CDKN2B-AS1: variants seen among roughly 807,000 people sequenced by gnomAD.
The protein encoded by CDKN2B-AS1 is CDKN2B antisense RNA 1 (non-protein coding).
intron 1 of CDKN2B-AS1, among the ~76,000 whole-genome samples, chr9:22,029,079 C>T (rs955537950): frequency 3.3e-5 from 5 of 151,306 alleles, no homozygotes; most frequent in Non-Finnish European, 7.4e-5. Context: ...ATCCAAGGGA[C>T]GGTGGTGAAA....
At chr9:22,040,070 A>T (rs537118831) in intron 1 of CDKN2B-AS1, among the ~76,000 whole-genome samples, 1 of 152,034 alleles carries the variant, frequency 6.6e-6, no homozygotes, top group Non-Finnish European at 1.5e-5. Context: ...TGTAGCCTTG[A>T]GGGAGAGGAT....
chr9:22,104,266 G>T (rs559369441), intron 4 of CDKN2B-AS1, among the ~76,000 whole-genome samples: 54 of 152,280 alleles, frequency 3.5e-4, no homozygotes, highest in African/African-American at 1.3e-3. Context: ...ACTTGGCAAG[G>T]TCAGGCACCT....
chr9:22,108,329 G>A lies in CDKN2B-AS1; in HGVS notation n.439-18774G>A, dbSNP rs77585068. On this transcript the variant is annotated intron_variant and non_coding_transcript_variant, in intron 4 of 4. Coordinates refer to ENST00000650946, the Ensembl canonical transcript of CDKN2B-AS1. Reference sequence around the variant, plus strand: ...TAGTATTTCTGACAATAAATCAGTCGAGAAGGGAGTATTACTCTAACGGTT... The same window carrying A: ...TAGTATTTCTGACAATAAATCAGTCAAGAAGGGAGTATTACTCTAACGGTT... Among the ~76,000 whole-genome samples the A allele has an allele frequency of 4.0e-3, 614 of 152,244 alleles. 8 individuals are homozygous for A. The highest frequency in any genetic ancestry group is 0.014 in the African/African-American group (578 of 41,544).
chr9:22,017,506 A>T (rs1324343233), intron 1 of CDKN2B-AS1, among the ~76,000 whole-genome samples: 1 of 152,120 alleles, frequency 6.6e-6, no homozygotes, highest in African/African-American at 2.4e-5. Context: ...GCATATAATT[A>T]TTTATTTATT....
rs753970895 is a variant in CDKN2B-AS1, at chr9:22,006,168, G to A, written n.29+11007G>A. On this transcript the variant is annotated intron_variant and non_coding_transcript_variant, in intron 1 of 4. Transcript: ENST00000650946. The surrounding 1 kb of genome is among the most constrained non-coding windows in gnomAD (Gnocchi z 6.4). Reference sequence around the variant, plus strand: ...AGCATCATGCACCGGTCGGGTGAGAGTGGCAGGGTCTGCGCAGTTGGGCTC... The same window carrying A: ...AGCATCATGCACCGGTCGGGTGAGAATGGCAGGGTCTGCGCAGTTGGGCTC... 9 of 1,610,786 alleles carry A rather than the reference G, an allele frequency of 5.6e-6. 1 individual carries two copies. In the Admixed American group the frequency reaches 1.3e-4, roughly 24 times the overall value.
chr9:22,071,284 G>GGTTTTTTTTTTTTTT (rs1563962583), intron 4 of CDKN2B-AS1, among the ~76,000 whole-genome samples: 1 of 77,480 alleles, frequency 1.3e-5, no homozygotes, highest in African/African-American at 6.0e-5. Context: ...GAAATATCTA[G>GGTTTTTTTTTTTTTT]CTTTTTTTTT....
intron 4 of CDKN2B-AS1, among the ~76,000 whole-genome samples, chr9:22,086,335 T>G (rs1824867075): frequency 6.6e-6 from 1 of 152,152 alleles, no homozygotes; most frequent in African/African-American, 2.4e-5. Flanking sequence ...GCTTAAAAAG[T>G]AGCATAATTA....
At chr9:22,098,355 A>G (rs1023173136) in intron 4 of CDKN2B-AS1, among the ~76,000 whole-genome samples, 3 of 151,966 alleles carry the variant, frequency 2.0e-5, no homozygotes, top group Admixed American at 2.0e-4. Flanking sequence ...TTTAAAAAGA[A>G]AACACAGGAA....
In CDKN2B-AS1 at chr9:22,006,011, G is replaced by A. The variant is rs2131180247; in HGVS notation, n.29+10850G>A. 3 of 1,603,392 alleles carry A rather than the reference G, an allele frequency of 1.9e-6. No individual in the cohort carries two copies. The highest frequency in any genetic ancestry group is 2.5e-6 in the Non-Finnish European group (3 of 1,179,736). On this transcript the variant is annotated intron_variant and non_coding_transcript_variant, in intron 1 of 4. Coordinates refer to ENST00000650946, the Ensembl canonical transcript of CDKN2B-AS1. The surrounding 1 kb of genome is among the most constrained non-coding windows in gnomAD (Gnocchi z 6.4). ...GTCAGTCCCCCGTGGCTGTGCGCAGGTACCCTGCAACGTCGCGGTGGCCCC... is the reference window on the plus strand; with the variant it reads ...GTCAGTCCCCCGTGGCTGTGCGCAGATACCCTGCAACGTCGCGGTGGCCCC...
At chr9:22,045,379 G>A (rs1313822646) in intron 1 of CDKN2B-AS1, among the ~76,000 whole-genome samples, 4 of 151,994 alleles carry the variant, frequency 2.6e-5, no homozygotes. Flanking sequence ...ACTCCACACT[G>A]CTAATTACTG....
chr9:22,106,105 C>T (rs1039590933), intron 4 of CDKN2B-AS1, among the ~76,000 whole-genome samples: 1 of 151,824 alleles, frequency 6.6e-6, no homozygotes, highest in Admixed American at 6.6e-5. Context: ...TTTTTCGAGA[C>T]CGTGTCTCAC....
chr9:22,015,654 A>T (rs978650839), intron 1 of CDKN2B-AS1, among the ~76,000 whole-genome samples: 2 of 151,840 alleles, frequency 1.3e-5, no homozygotes, highest in African/African-American at 2.4e-5. Context: ...TATTATTATT[A>T]TACTTTAAGT....
intron 4 of CDKN2B-AS1, among the ~76,000 whole-genome samples, chr9:22,086,840 C>A (rs1178118450): frequency 6.6e-6 from 1 of 152,182 alleles, no homozygotes; most frequent in East Asian, 1.9e-4. Flanking sequence ...TGTATTTTAT[C>A]CATATGGCCC....
chr9:22,060,049 C>T (rs766025224), intron 4 of CDKN2B-AS1, among the ~76,000 whole-genome samples: 2 of 152,136 alleles, frequency 1.3e-5, no homozygotes, highest in Non-Finnish European at 2.9e-5. Context: ...GGAGGGGCTG[C>T]CATGAAGGTC....
At position 22,000,110 on chromosome 9, in the gene CDKN2B-AS1, C is replaced by T. The variant is rs1017432894; in HGVS notation, n.29+4949C>T. On this transcript the variant is annotated intron_variant and non_coding_transcript_variant, in intron 1 of 4. Transcript: ENST00000650946. This position sits in a 1 kb window ranked among gnomAD's most constrained non-coding sequence, Gnocchi z 4.1. The stretch of plus-strand genomic sequence containing the variant: ...TAACAACCACAGGAATATTGGGGCT[C>T]AAACCTAGAGATTCTAATTTTGTAG... 8.5e-5 allele frequency among the ~76,000 whole-genome samples: 13 copies of T among 152,118 alleles called. No individual in the cohort carries two copies. Among genetic ancestry groups the T allele is most frequent in the Non-Finnish European group, 1.8e-4 (12 of 67,992 alleles).
intron 1 of CDKN2B-AS1, among the ~76,000 whole-genome samples, chr9:22,014,422 C>T (rs1821650197): frequency 6.6e-6 from 1 of 152,080 alleles, no homozygotes. Context: ...GCTTCAGCCT[C>T]CCAAAGTGTT....
intron 4 of CDKN2B-AS1, among the ~76,000 whole-genome samples, chr9:22,124,090 T>C (rs1032087556): frequency 6.6e-6 from 1 of 151,536 alleles, no homozygotes; most frequent in African/African-American, 2.4e-5. Context: ...TGTAGTTTTT[T>C]TATGAACATA....
chr9:22,067,974 T>G (rs1288986702), intron 4 of CDKN2B-AS1, among the ~76,000 whole-genome samples: 1 of 152,196 alleles, frequency 6.6e-6, no homozygotes, highest in African/African-American at 2.4e-5. Flanking sequence ...AATCTTTTGT[T>G]TTCTGACTCA....
chr9:22,092,719 C>G (rs1475957201), intron 4 of CDKN2B-AS1, among the ~76,000 whole-genome samples: 2 of 151,996 alleles, frequency 1.3e-5, no homozygotes, highest in African/African-American at 2.4e-5. Flanking sequence ...CTCTTTTCTT[C>G]TTTATTAATC....
Sources: gnomAD v4.1 joint callset for allele counts (sites outside exome capture counted in the v4.1 genomes callset) on GRCh38, gnomAD v4.1.1 for gene constraint, Gnocchi (gnomAD v3.1) non-coding constraint, MANE v1.5 for transcripts, NCBI Gene and HGNC (gene_info 2026-07-23, HGNC 2026-07-21) for gene names.